The following LRRC37A2 variants were observed in gnomAD, a reference collection of about 807,000 sequenced individuals.
LRRC37A2 encodes leucine-rich repeat-containing protein 37A2.
LRRC37A2 carries 9 observed loss-of-function variants against 68.8 expected under a neutral mutation model. That is an observed-to-expected ratio of 0.13 (90% CI 0.08 to 0.23). The LOEUF is 0.23. LRRC37A2 is among the 10% of genes least tolerant of loss of function. LRRC37A2 has a pLI of 1.00. For synonymous variants in LRRC37A2, 63 were observed against 367.6 expected (o/e 0.17, Z 9.48); for missense variants, 168 against 950.4 (o/e 0.18, Z 10.82).
chr17:46,941,545 A>C, the LRRC37A2 span: 1 of 323,362 alleles, frequency 3.1e-6, no homozygotes, highest in South Asian at 1.2e-4. Flanking sequence ...GATCTGAATT[A>C]GAACCTTTTT....
At chr17:46,976,357 A>T in the LRRC37A2 span, among the ~76,000 whole-genome samples, 3 of 146,168 alleles carry the variant, frequency 2.1e-5, no homozygotes, top group South Asian at 6.8e-4. Context: ...ACATGGTGAA[A>T]CCCGGTCTCT....
the LRRC37A2 span, chr17:46,923,193 A>C: frequency 1.3e-6 from 2 of 1,545,910 alleles, no homozygotes; most frequent in Non-Finnish European, 1.8e-6. Flanking sequence ...GGCCGGCGAC[A>C]TGGATCCCCT....
At chr17:46,752,967 C>G in the LRRC37A2 span, among the ~76,000 whole-genome samples, 1 of 152,144 alleles carries the variant, frequency 6.6e-6, no homozygotes, top group African/African-American at 2.4e-5. Context: ...TGGGGTTTCA[C>G]CATGTTGGCC....
At chr17:47,036,450 C>G in the LRRC37A2 span, among the ~76,000 whole-genome samples, 6 of 152,292 alleles carry the variant, frequency 3.9e-5, no homozygotes, top group Admixed American at 3.9e-4. Flanking sequence ...ATGTGTTTGT[C>G]TAAGAGTCTT....
At chr17:46,722,774 G>A in the LRRC37A2 span, among the ~76,000 whole-genome samples, 1 of 152,164 alleles carries the variant, frequency 6.6e-6, no homozygotes, top group Non-Finnish European at 1.5e-5. Context: ...GTGTGTGTAT[G>A]TATGTATTTA....
At chr17:46,741,941 A>G in the LRRC37A2 span, among the ~76,000 whole-genome samples, 1 of 152,124 alleles carries the variant, frequency 6.6e-6, no homozygotes, top group South Asian at 2.1e-4. Flanking sequence ...AATTTAGTAG[A>G]GACAGCATTT....
chr17:46,753,002 C>T, the LRRC37A2 span, among the ~76,000 whole-genome samples: 1 of 152,220 alleles, frequency 6.6e-6, no homozygotes, highest in Non-Finnish European at 1.5e-5. Flanking sequence ...CTACTGACCT[C>T]AGGTGATCTG....
chr17:46,549,603 CAAT>C (rs776465596), exon 10 of LRRC37A2: 196 of 982,020 alleles, frequency 2.0e-4, no homozygotes, highest in Admixed American at 3.3e-4. Context: ...TCCCCAACAA[CAAT>C]GTGAGAAGGC....
At chr17:46,728,527 G>A in the LRRC37A2 span, among the ~76,000 whole-genome samples, 2 of 152,108 alleles carry the variant, frequency 1.3e-5, no homozygotes, top group African/African-American at 4.8e-5. Flanking sequence ...TACCTGGGAG[G>A]CTTAGGCAGG....
chr17:46,691,958 G>A, the LRRC37A2 span, among the ~76,000 whole-genome samples: 1 of 150,220 alleles, frequency 6.7e-6, no homozygotes, highest in African/African-American at 2.5e-5. Flanking sequence ...TCACCATGTT[G>A]GCCAGGCTGG....
At chr17:46,971,338 A>AAATT in the LRRC37A2 span, among the ~76,000 whole-genome samples, 3 of 152,212 alleles carry the variant, frequency 2.0e-5, no homozygotes, top group East Asian at 3.9e-4. Flanking sequence ...CTCCTTCTCA[A>AAATT]AATTAATTAA....
At chr17:46,950,624 G>T in the LRRC37A2 span, among the ~76,000 whole-genome samples, 1 of 152,158 alleles carries the variant, frequency 6.6e-6, no homozygotes, top group Non-Finnish European at 1.5e-5. Context: ...GAACTTAGCG[G>T]GGGAGATGAC....
chr17:46,748,364 G>A, the LRRC37A2 span, among the ~76,000 whole-genome samples: 2 of 152,082 alleles, frequency 1.3e-5, no homozygotes, highest in Non-Finnish European at 2.9e-5. Context: ...CACCTGCCTC[G>A]GCCTCCCACA....
chr17:46,784,301 G>A, the LRRC37A2 span, among the ~76,000 whole-genome samples: 1 of 152,184 alleles, frequency 6.6e-6, no homozygotes, highest in African/African-American at 2.4e-5. Context: ...GCAGCTTTGG[G>A]AACAAGACGA....
At chr17:46,768,865 C>T in the LRRC37A2 span, 1 of 1,574,986 alleles carries the variant, frequency 6.3e-7, no homozygotes. This position sits in a 1 kb window ranked among gnomAD's most constrained non-coding sequence, Gnocchi z 5.0. Context: ...CAGGCCTTCC[C>T]TCTCTGCCAC....
At chr17:46,816,123 A>ACGCACG in the LRRC37A2 span, among the ~76,000 whole-genome samples, 4 of 147,962 alleles carry the variant, frequency 2.7e-5, no homozygotes, top group African/African-American at 7.5e-5. Context: ...ACACACACAC[A>ACGCACG]CACACACTCA....
the LRRC37A2 span, among the ~76,000 whole-genome samples, chr17:46,748,120 T>TA: frequency 6.6e-6 from 1 of 152,170 alleles, no homozygotes; most frequent in South Asian, 2.1e-4. Context: ...TTTATTTATT[T>TA]TTTTGAGATG....
At chr17:46,741,303 T>C in the LRRC37A2 span, among the ~76,000 whole-genome samples, 1 of 152,206 alleles carries the variant, frequency 6.6e-6, no homozygotes, top group Non-Finnish European at 1.5e-5. Context: ...TTTTCACAAA[T>C]TGGAATTAGA....
the LRRC37A2 span, among the ~76,000 whole-genome samples, chr17:46,817,638 C>A: frequency 1.4e-5 from 2 of 144,992 alleles, no homozygotes; most frequent in South Asian, 2.4e-4. Context: ...GCACAGCCCC[C>A]CCCAAGCACT....
Sources: gnomAD v4.1 joint callset for allele counts (sites outside exome capture counted in the v4.1 genomes callset) on GRCh38, gnomAD v4.1.1 for gene constraint, Gnocchi (gnomAD v3.1) non-coding constraint, MANE v1.5 for transcripts, NCBI Gene and HGNC (gene_info 2026-07-23, HGNC 2026-07-21) for gene names.